Variants in DERL1 observed in about 807,000 individuals in gnomAD.
DERL1 encodes the protein derlin-1.
Under a neutral mutation model 41.6 loss-of-function variants are expected in DERL1, and 24 were observed. The observed-to-expected ratio is 0.58, with a 90% CI of 0.42 to 0.81. The LOEUF is 0.81. Among genes scored for constraint, DERL1 ranks in the 30% least tolerant of loss-of-function variants. The pLI is 0.00. For synonymous variants in DERL1, 124 were observed against 112.5 expected, an observed-to-expected ratio of 1.10 and a Z score of -0.65; for missense variants, 260 against 314.3, an observed-to-expected ratio of 0.83 and a Z score of 1.31.
At chr8:123,039,441 T>C (rs1450910582) in intron 1 of DERL1, among the ~76,000 whole-genome samples, 1 of 152,244 alleles carries the variant, frequency 6.6e-6, no homozygotes, top group Non-Finnish European at 1.5e-5. Context: ...GCTATCTCCC[T>C]GCTGTCATCT....
rs569718055 is a variant in DERL1 at position 123,027,636 on chromosome 8, G to GT, written c.266-2587dup. ...AAATCAAAGCAAATAAAAGAGACCA[G>GT]TGACCTAATAATCCCACAAATTTGT... is the stretch of plus-strand genomic sequence containing the variant. On this transcript the variant is annotated intron_variant, in intron 2 of 7. Transcript: ENST00000259512. Among the ~76,000 whole-genome samples, 32 of 152,296 alleles carry GT rather than the reference G, an allele frequency of 2.1e-4. No individual in the cohort carries two copies. In the South Asian group the frequency reaches 5.8e-3, roughly 28 times the overall value.
At chr8:123,017,201 G>A (rs926752520) in intron 7 of DERL1, 9 of 152,118 alleles carry the variant, frequency 5.9e-5, no homozygotes, top group Non-Finnish European at 1.2e-4. Context: ...AAATGGAATG[G>A]AAAATGGTGA....
intron 1 of DERL1, among the ~76,000 whole-genome samples, chr8:123,038,204 C>T (rs1179422298): frequency 6.6e-6 from 1 of 152,146 alleles, no homozygotes; most frequent in African/African-American, 2.4e-5. Flanking sequence ...TCAATCACTC[C>T]CCCATTTTTG....
intron 1 of DERL1, 64 bp downstream of exon 1, chr8:123,041,906 C>A: frequency 1.3e-6 from 2 of 1,494,264 alleles, no homozygotes; most frequent in East Asian, 2.5e-5. Flanking sequence ...TGCCAGCCTA[C>A]GCTTAGCCGC....
At chr8:123,018,982 T>C in intron 7 of DERL1, 1 of 562,062 alleles carries the variant, frequency 1.8e-6, no homozygotes, top group South Asian at 2.1e-5. Flanking sequence ...TTGTCAGTGG[T>C]CCCTGGCTAA....
intron 6 of DERL1, among the ~76,000 whole-genome samples, 170 bp downstream of exon 6, chr8:123,021,277 A>C (rs1451921783): frequency 2.0e-5 from 3 of 152,256 alleles, no homozygotes; most frequent in Non-Finnish European, 4.4e-5. Flanking sequence ...ATATGCTTAA[A>C]GCCCTGCAAT....
rs1370525979 is a variant in DERL1, at chr8:123,042,270, G to A, written c.-148C>T. 4 of 1,116,720 alleles carry A rather than the reference G, an allele frequency of 3.6e-6. No homozygotes were observed. The highest frequency in any genetic ancestry group is 3.0e-5 in the East Asian group (1 of 32,934). The allele number at this position is 1,116,720 out of a possible 1,614,324, so 69.2% of individuals were successfully genotyped here. On this transcript the variant is annotated 5_prime_UTR_variant, in exon 1 of 8. Transcript: ENST00000259512. ...GAAGGCGGAGACGGGCGGACGTGGC[G>A]CCACCGAATTCGGACCAGCGAGGCA...
chr8:123,035,019 CACCCGCTA>C (rs917441456), intron 1 of DERL1, among the ~76,000 whole-genome samples: 1 of 152,200 alleles, frequency 6.6e-6, no homozygotes, highest in Non-Finnish European at 1.5e-5. Context: ...TTTTCGGAAA[CACCCGCTA>C]ACCAGTTTTT....
chr8:123,036,320 T>G (rs1459983741), intron 1 of DERL1, among the ~76,000 whole-genome samples: 4 of 152,172 alleles, frequency 2.6e-5, no homozygotes, highest in Admixed American at 6.5e-5. Context: ...TGCAACAATA[T>G]GGGTGACTCT....
At chr8:123,027,272 C>T (rs563447580) in intron 2 of DERL1, among the ~76,000 whole-genome samples, 76 of 114,918 alleles carry the variant, frequency 6.6e-4, no homozygotes, top group African/African-American at 2.4e-3. Flanking sequence ...CCAGCCTGGG[C>T]GACAGAGTGA....
At chr8:123,020,966 CAAA>C (rs542307362) in intron 6 of DERL1, among the ~76,000 whole-genome samples, 5 of 82,854 alleles carry the variant, frequency 6.0e-5, no homozygotes, top group Admixed American at 1.3e-4. Flanking sequence ...AACTTCGTCT[CAAA>C]AAAAAAAAAA....
chr8:123,016,841 GTTTT>G (rs544639953), intron 7 of DERL1: 64 of 149,624 alleles, frequency 4.3e-4, no homozygotes, highest in Non-Finnish European at 7.0e-4. Context: ...TCGGGTTTTT[GTTTT>G]TTTGTTTTTT....
rs1158978541 is a variant in DERL1, at chr8:123,015,838, T to C, written c.618-253A>G. On this transcript the variant is annotated intron_variant, in intron 7 of 7. Coordinates refer to ENST00000259512, the MANE Select transcript of DERL1 (RefSeq NM_024295.6). ...GCTAAATTCACACTCTGAACGTTTT[T>C]TTCTCTGCTTATAAAAGTAATCCAT... 6 of 378,304 alleles carry C rather than the reference T, an allele frequency of 1.6e-5. No individual in the cohort carries two copies. The East Asian group carries it at 2.8e-4, about 17-fold the overall frequency. The allele number at this position is 378,304 out of a possible 1,614,324, so 23.4% of individuals were successfully genotyped here.
intron 2 of DERL1, chr8:123,025,774 G>T (rs753518098): frequency 1.3e-5 from 2 of 152,188 alleles, no homozygotes; most frequent in Non-Finnish European, 1.5e-5. Context: ...AGGGAGAATG[G>T]AAAGACCTAC....
At chr8:123,027,113 T>C (rs1307253308) in intron 2 of DERL1, among the ~76,000 whole-genome samples, 1 of 151,732 alleles carries the variant, frequency 6.6e-6, no homozygotes, top group East Asian at 1.9e-4. Context: ...CTGACCAACA[T>C]GGTGAAAACC....
intron 1 of DERL1, among the ~76,000 whole-genome samples, chr8:123,031,364 G>A (rs1335432377): frequency 6.6e-6 from 1 of 152,068 alleles, no homozygotes; most frequent in Non-Finnish European, 1.5e-5. Context: ...GGCCAACATG[G>A]TGAAACCCTG....
intron 3 of DERL1, among the ~76,000 whole-genome samples, chr8:123,023,968 T>C (rs999878320): frequency 6.6e-6 from 1 of 152,212 alleles, no homozygotes; most frequent in African/African-American, 2.4e-5. Context: ...ATATACATAT[T>C]TTTTTAATTA....
chr8:123,035,536 G>C (rs529590968), intron 1 of DERL1, among the ~76,000 whole-genome samples: 2 of 152,314 alleles, frequency 1.3e-5, no homozygotes, highest in East Asian at 3.9e-4. Flanking sequence ...GCCACGACTT[G>C]CAGACAGAGG....
chr8:123,029,671 A>G (rs1449511013), intron 2 of DERL1, among the ~76,000 whole-genome samples: 4 of 152,238 alleles, frequency 2.6e-5, no homozygotes, highest in African/African-American at 9.6e-5. Flanking sequence ...TTTCTTTAGT[A>G]TAAGTGACTC....
Sources: gnomAD v4.1 joint callset for allele counts (sites outside exome capture counted in the v4.1 genomes callset) on GRCh38, gnomAD v4.1.1 for gene constraint, MANE v1.5 for transcripts, NCBI Gene and HGNC (gene_info 2026-07-23, HGNC 2026-07-21) for gene names.